GRIN3A: variants seen among roughly 807,000 people sequenced by gnomAD.
GRIN3A encodes glutamate receptor ionotropic, NMDA 3A.
Under a neutral mutation model 92.4 loss-of-function variants are expected in GRIN3A, and 47 were observed. The observed-to-expected ratio is 0.51, with a 90% CI of 0.40 to 0.65. GRIN3A has a LOEUF of 0.65. GRIN3A is among the 30% of genes least tolerant of loss of function. GRIN3A has a pLI of 0.00. For synonymous variants in GRIN3A, 527 were observed against 540.6 expected, an observed-to-expected ratio of 0.97 and a Z score of 0.35; for missense variants, 1,324 against 1,393.1, an observed-to-expected ratio of 0.95 and a Z score of 0.79.
chr9:101,620,816 C>T (rs981900258), intron 5 of GRIN3A, among the ~76,000 whole-genome samples: 1 of 151,968 alleles, frequency 6.6e-6, no homozygotes, highest in Non-Finnish European at 1.5e-5. Flanking sequence ...AATAATAAAG[C>T]TCACATTTTA....
chr9:101,637,520 C>T (rs12336400), intron 3 of GRIN3A, among the ~76,000 whole-genome samples: 2,086 of 152,210 alleles, frequency 0.014, 51 homozygotes, highest in African/African-American at 0.046. Flanking sequence ...TTTAGTCCAT[C>T]CTTTTATTTT....
chr9:101,686,964 C>T lies in GRIN3A; in HGVS notation c.936G>A (p.Gln312=), dbSNP rs141405498. The part of the protein sequence containing the change: ...PSTQDLLSFL[Q]IQLESIKNST... The stretch of plus-strand genomic sequence containing the variant: ...TGTTCTTAATACTCTCAAGCTGGAT[C>T]TGTAGGAAGCTCAAGAGGTCCTGGG... Residue 312 remains glutamine (Q), a synonymous_variant, in exon 2 of 9, where the codon CAG becomes CAA. Transcript: ENST00000361820. 503 of 1,614,052 alleles carry T rather than the reference C, an allele frequency of 3.1e-4. No individual in the cohort carries two copies. The highest frequency in any genetic ancestry group is 4.1e-4 in the Non-Finnish European group (487 of 1,180,034).
At chr9:101,604,855 T>A (rs956693572) in intron 6 of GRIN3A, among the ~76,000 whole-genome samples, 1 of 152,244 alleles carries the variant, frequency 6.6e-6, no homozygotes, top group Admixed American at 6.5e-5. Flanking sequence ...TGGCTTTCAA[T>A]GTATAGTTGA....
chr9:101,673,521 T>C (rs1829355497), intron 2 of GRIN3A, among the ~76,000 whole-genome samples: 1 of 152,146 alleles, frequency 6.6e-6, no homozygotes, highest in Non-Finnish European at 1.5e-5. Flanking sequence ...TTTTTAGTCT[T>C]ACGATAAGGG....
intron 1 of GRIN3A, among the ~76,000 whole-genome samples, chr9:101,695,679 C>T (rs898364361): frequency 3.9e-5 from 6 of 152,038 alleles, no homozygotes; most frequent in Non-Finnish European, 8.8e-5. Context: ...TAAATATTAG[C>T]CTTATTATTA....
chr9:101,583,738 GGTT>G (rs1330243069), intron 6 of GRIN3A, among the ~76,000 whole-genome samples: 4 of 152,250 alleles, frequency 2.6e-5, no homozygotes, highest in African/African-American at 9.6e-5. Flanking sequence ...TATGTTTTGA[GGTT>G]GTTGTTTTTT....
At chr9:101,693,289 AC>A (rs1829643182) in intron 1 of GRIN3A, among the ~76,000 whole-genome samples, 1 of 150,738 alleles carries the variant, frequency 6.6e-6, no homozygotes, top group Admixed American at 6.6e-5. Flanking sequence ...GAGGGGTCAC[AC>A]GTGCCTGTAA....
intron 6 of GRIN3A, chr9:101,594,685 G>A (rs1828089223): frequency 2.5e-6 from 4 of 1,614,146 alleles, no homozygotes; most frequent in South Asian, 1.1e-5. Flanking sequence ...TGAACTGGGA[G>A]GTCCCCAGGA....
At chr9:101,699,921 C>T (rs541881932) in intron 1 of GRIN3A, among the ~76,000 whole-genome samples, 1 of 152,288 alleles carries the variant, frequency 6.6e-6, no homozygotes, top group East Asian at 1.9e-4. Flanking sequence ...ACTTGCTTTG[C>T]CTCTTTTTTT....
intron 1 of GRIN3A, among the ~76,000 whole-genome samples, chr9:101,718,418 T>G (rs998146848): frequency 6.6e-6 from 1 of 152,182 alleles, no homozygotes; most frequent in Non-Finnish European, 1.5e-5. Context: ...GAGAACAACA[T>G]GTGCATATGC....
intron 1 of GRIN3A, among the ~76,000 whole-genome samples, chr9:101,701,411 TA>T (rs1352189505): frequency 6.6e-6 from 1 of 152,142 alleles, no homozygotes; most frequent in East Asian, 1.9e-4. Context: ...TGTTCCCCTC[TA>T]TGTGTCCATG....
chr9:101,594,307 A>G, intron 6 of GRIN3A: 2 of 1,419,608 alleles, frequency 1.4e-6, no homozygotes, highest in Admixed American at 2.3e-5. Flanking sequence ...AAAAAGAAAT[A>G]CTTCCAGATA....
intron 6 of GRIN3A, among the ~76,000 whole-genome samples, chr9:101,584,810 T>G (rs1164471612): frequency 6.6e-6 from 1 of 152,238 alleles, no homozygotes; most frequent in Non-Finnish European, 1.5e-5. Context: ...AACCCTGCTT[T>G]GTATTTTGTT....
At chr9:101,697,902 A>T (rs1829703374) in intron 1 of GRIN3A, among the ~76,000 whole-genome samples, 1 of 152,186 alleles carries the variant, frequency 6.6e-6, no homozygotes, top group Non-Finnish European at 1.5e-5. Context: ...TATAAATGAT[A>T]CTTGTGGTTA....
intron 6 of GRIN3A, among the ~76,000 whole-genome samples, chr9:101,583,934 G>A (rs139129774): frequency 2.0e-3 from 301 of 152,246 alleles, no homozygotes; most frequent in African/African-American, 6.8e-3. Context: ...TTGACTCACT[G>A]CAACCTCTGC....
intron 6 of GRIN3A, among the ~76,000 whole-genome samples, chr9:101,590,669 C>T (rs879601313): frequency 9.2e-5 from 14 of 152,064 alleles, no homozygotes; most frequent in Non-Finnish European, 1.8e-4. Context: ...CATGAGCCAC[C>T]GCGCCCGGCC....
At chr9:101,691,257 T>C (rs1350688046) in intron 1 of GRIN3A, among the ~76,000 whole-genome samples, 1 of 152,152 alleles carries the variant, frequency 6.6e-6, no homozygotes, top group Non-Finnish European at 1.5e-5. Flanking sequence ...CTGCATGGCA[T>C]TTCCTGTTGT....
chr9:101,590,048 T>TA (rs1828001786), intron 6 of GRIN3A, among the ~76,000 whole-genome samples: 2 of 152,308 alleles, frequency 1.3e-5, no homozygotes, highest in South Asian at 2.1e-4. Flanking sequence ...TGGTAATTTT[T>TA]AAAAAACATT....
At chr9:101,650,523 A>G (rs928075861) in intron 3 of GRIN3A, among the ~76,000 whole-genome samples, 1 of 152,076 alleles carries the variant, frequency 6.6e-6, no homozygotes, top group African/African-American at 2.4e-5. Flanking sequence ...GCCACTGTGT[A>G]TCATCCAACA....
Sources: gnomAD v4.1 joint callset for allele counts (sites outside exome capture counted in the v4.1 genomes callset) on GRCh38, gnomAD v4.1.1 for gene constraint, MANE v1.5 for transcripts, NCBI Gene and HGNC (gene_info 2026-07-23, HGNC 2026-07-21) for gene names.